HYCC1: variants seen among roughly 807,000 people sequenced by gnomAD.
The protein encoded by HYCC1 is hyccin PI4KA lipid kinase complex subunit 1, also known as hyccin.
the HYCC1 span, among the ~76,000 whole-genome samples, chr7:22,909,934 C>G: frequency 0.25 from 37,931 of 152,098 alleles, 4,912 homozygotes; most frequent in East Asian, 0.48. Context: ...TTCTCAGTAC[C>G]CAGCAGAGGG....
At chr7:22,918,136 C>T in the HYCC1 span, among the ~76,000 whole-genome samples, 3 of 151,964 alleles carry the variant, frequency 2.0e-5, no homozygotes, top group African/African-American at 7.3e-5. Context: ...AAGAATAGAC[C>T]CCAAAACTCG....
At chr7:22,915,148 T>A in the HYCC1 span, among the ~76,000 whole-genome samples, 1 of 152,154 alleles carries the variant, frequency 6.6e-6, no homozygotes, top group Non-Finnish European at 1.5e-5. Context: ...ATATACATTT[T>A]ATTACCCAAT....
At chr7:22,976,436 T>C in the HYCC1 span, 6 of 707,618 alleles carry the variant, frequency 8.5e-6, no homozygotes, top group African/African-American at 1.1e-4. Flanking sequence ...AGCACACCAA[T>C]AATGAAAAAC....
At chr7:22,957,223 T>C in the HYCC1 span, among the ~76,000 whole-genome samples, 2 of 151,784 alleles carry the variant, frequency 1.3e-5, no homozygotes, top group Admixed American at 1.3e-4. Flanking sequence ...GTAATAATTT[T>C]TGGTGACTCA....
At chr7:22,982,195 T>C in the HYCC1 span, among the ~76,000 whole-genome samples, 9 of 152,154 alleles carry the variant, frequency 5.9e-5, no homozygotes, top group Non-Finnish European at 1.2e-4. Flanking sequence ...TTAAAACAGC[T>C]TTCACTCAAT....
At chr7:22,952,584 T>G in the HYCC1 span, among the ~76,000 whole-genome samples, 2 of 151,948 alleles carry the variant, frequency 1.3e-5, no homozygotes, top group Non-Finnish European at 2.9e-5. Context: ...GCACGAAGTC[T>G]GGATTTTATT....
chr7:22,904,444 AAG>A, the HYCC1 span, among the ~76,000 whole-genome samples: 1 of 150,836 alleles, frequency 6.6e-6, no homozygotes, highest in South Asian at 2.1e-4. Context: ...AAAAAAAAAA[AAG>A]TAATAATAAT....
At chr7:22,931,974 G>A in the HYCC1 span, among the ~76,000 whole-genome samples, 1 of 152,176 alleles carries the variant, frequency 6.6e-6, no homozygotes, top group Non-Finnish European at 1.5e-5. Context: ...GAACTATTAT[G>A]TGAAAGGAAC....
chr7:22,981,615 A>G, the HYCC1 span, among the ~76,000 whole-genome samples: 1 of 152,228 alleles, frequency 6.6e-6, no homozygotes, highest in African/African-American at 2.4e-5. Flanking sequence ...ACCAGAACCA[A>G]TGCTTCGGAA....
At chr7:22,964,737 G>A in the HYCC1 span, among the ~76,000 whole-genome samples, 3 of 152,180 alleles carry the variant, frequency 2.0e-5, no homozygotes, top group Non-Finnish European at 4.4e-5. Context: ...GCTGAGGTAT[G>A]TTGATACACA....
chr7:22,918,258 C>G, the HYCC1 span, among the ~76,000 whole-genome samples: 1 of 152,136 alleles, frequency 6.6e-6, no homozygotes, highest in Admixed American at 6.6e-5. Flanking sequence ...TTATTTGGAC[C>G]TTGGGTCTTC....
chr7:22,985,347 C>T, the HYCC1 span, among the ~76,000 whole-genome samples: 1 of 152,136 alleles, frequency 6.6e-6, no homozygotes, highest in Non-Finnish European at 1.5e-5. Context: ...ACTGTCTTAT[C>T]ATCTCTGCAA....
the HYCC1 span, among the ~76,000 whole-genome samples, chr7:22,904,040 C>T: frequency 6.6e-6 from 1 of 152,000 alleles, no homozygotes; most frequent in Non-Finnish European, 1.5e-5. Flanking sequence ...GCTGATAAAA[C>T]AAAATCAAGA....
chr7:23,003,823 G>C, the HYCC1 span, among the ~76,000 whole-genome samples: 1 of 152,116 alleles, frequency 6.6e-6, no homozygotes, highest in Non-Finnish European at 1.5e-5. Flanking sequence ...AGTGCAATGA[G>C]AAAATGTAAG....
the HYCC1 span, among the ~76,000 whole-genome samples, chr7:22,968,369 C>T: frequency 2.6e-5 from 4 of 152,154 alleles, no homozygotes; most frequent in African/African-American, 9.7e-5. Flanking sequence ...TGAGACCATA[C>T]CAACAAGGGC....
At chr7:22,907,211 G>A in the HYCC1 span, among the ~76,000 whole-genome samples, 1 of 151,610 alleles carries the variant, frequency 6.6e-6, no homozygotes, top group Non-Finnish European at 1.5e-5. Flanking sequence ...CGGTATCTAG[G>A]AGTGGTGTGA....
the HYCC1 span, among the ~76,000 whole-genome samples, chr7:22,927,318 G>C: frequency 6.6e-6 from 1 of 152,006 alleles, no homozygotes; most frequent in Non-Finnish European, 1.5e-5. Flanking sequence ...CAGAAGGCAA[G>C]AAATAACTAA....
the HYCC1 span, among the ~76,000 whole-genome samples, chr7:22,924,833 A>C: frequency 6.6e-6 from 1 of 152,226 alleles, no homozygotes; most frequent in Non-Finnish European, 1.5e-5. Flanking sequence ...TGAAGAGAGT[A>C]GTGGTTCTCC....
At chr7:22,938,494 T>C in the HYCC1 span, 1 of 152,234 alleles carries the variant, frequency 6.6e-6, no homozygotes, top group African/African-American at 2.4e-5. Flanking sequence ...ATTATTTACT[T>C]GTGCTTTATT....
Sources: gnomAD v4.1 joint callset for allele counts (sites outside exome capture counted in the v4.1 genomes callset) on GRCh38, gnomAD v4.1.1 for gene constraint, MANE v1.5 for transcripts, NCBI Gene and HGNC (gene_info 2026-07-23, HGNC 2026-07-21) for gene names.